Variants in CHD4 observed in about 807,000 individuals in gnomAD.
The protein encoded by CHD4 is ATP-dependent chromatin remodeler CHD4.
Under a neutral mutation model 235.5 loss-of-function variants are expected in CHD4, and 35 were observed. That is an observed-to-expected ratio of 0.15 (90% confidence interval 0.11 to 0.20). The LOEUF (loss-of-function observed/expected upper bound fraction) is 0.20. Ranked by LOEUF, CHD4 falls within the 10% of genes least tolerant of loss-of-function variation. The pLI, the probability that CHD4 is intolerant of heterozygous loss-of-function variation, is 1.00. For synonymous variants in CHD4, 900 were observed against 850.2 expected, an observed-to-expected ratio of 1.06 and a Z score of -1.02; for missense variants, 1,329 against 2,432.3, an observed-to-expected ratio of 0.55 and a Z score of 9.54.
Position 6,570,622 on chromosome 12 carries a change from G to C in CHD4, c.*54C>G. The C allele has an allele frequency of 6.2e-7, 1 of 1,612,094 alleles. No homozygotes were observed. Among genetic ancestry groups the C allele is most frequent in the Non-Finnish European group, 8.5e-7 (1 of 1,178,330 alleles). On this transcript the variant is annotated 3_prime_UTR_variant, in exon 40 of 40. Coordinates refer to ENST00000544040, the MANE Select transcript of CHD4 (RefSeq NM_001273.5). ...GCCCCCAGGGGAGAAGCTGGGACAA[G>C]AGAAAGTGAGGAAGGTCACTGCTCA...
intron 12 of CHD4, among the ~76,000 whole-genome samples, 200 bp from the exon 13 acceptor site, chr12:6,596,337 T>A (rs1948494440): frequency 6.6e-6 from 1 of 152,116 alleles, no homozygotes; most frequent in Non-Finnish European, 1.5e-5. Context: ...AACACCAGAA[T>A]TCAGTCAGTT....
At chr12:6,603,915 C>T (rs1316552931) in intron 2 of CHD4, among the ~76,000 whole-genome samples, 1 of 152,158 alleles carries the variant, frequency 6.6e-6, no homozygotes, top group Non-Finnish European at 1.5e-5. Flanking sequence ...ACCACTCCCA[C>T]CCAGATTCCT....
chr12:6,593,865 C>T lies in CHD4; in HGVS notation c.2314-249G>A, dbSNP rs1948441275. 6.6e-6 allele frequency among the ~76,000 whole-genome samples: 1 copy of T among 152,118 alleles called. No homozygotes were observed. The highest frequency in any genetic ancestry group is 1.5e-5 in the Non-Finnish European group (1 of 68,002). On this transcript the variant is annotated intron_variant, in intron 15 of 39. Coordinates refer to ENST00000544040, the MANE Select transcript of CHD4 (RefSeq NM_001273.5). The surrounding 1 kb of genome is among the most constrained non-coding windows in gnomAD (Gnocchi z 4.9). ...ATACTTTTTTTCTGAGACGGAGTTT[C>T]ACTCTTGTTGCCCAGGCTGGAGTGC...
rs755840734 is a variant in CHD4 at position 6,602,174 on chromosome 12, C to T, written c.224G>A (p.Arg75His). 6.9e-5 allele frequency: 112 copies of T among 1,613,896 alleles called. No homozygotes were observed. Among genetic ancestry groups the T allele is most frequent in the Middle Eastern group, 3.3e-4 (2 of 6,006 alleles). Residue 75 changes from arginine to histidine, a missense_variant and splice_region_variant, in exon 4 of 40, where the codon CGT becomes CAT. Transcript: ENST00000544040. ...CCCCAGCTGCCGGCATAAGAGCATA[C>T]GCTGGAGCAGGGCAAGGGGGGAAGA... Reference protein sequence around the residue: ...IPKSKRQKKERMLLCRQLGDS... With the variant: ...IPKSKRQKKEHMLLCRQLGDS...
In CHD4 at chr12:6,595,515, T is replaced by TAA. The variant is rs1948473716; in HGVS notation, c.2025-87_2025-86dup. 3.4e-6 allele frequency: 4 copies of TAA among 1,173,238 alleles called. No homozygotes were observed. The African/African-American group carries it at 4.6e-5, about 13-fold the overall frequency. 72.7% of individuals were successfully genotyped at this position (1,173,238 alleles called of 1,614,324 possible). ...GGCCAGGCACAGTGGCTCACACCTGTAATCCCAGCATTTTGGGAGGCCAGC... is the reference window on the plus strand; with the variant it reads ...GGCCAGGCACAGTGGCTCACACCTGTAAAATCCCAGCATTTTGGGAGGCCAGC... On this transcript the variant is annotated intron_variant, in intron 13 of 39. Coordinates refer to ENST00000544040, the MANE Select transcript of CHD4 (RefSeq NM_001273.5).
In CHD4 at chr12:6,594,455, T is replaced by C; in HGVS notation, c.2313+4A>G. 1.9e-6 allele frequency: 3 copies of C among 1,602,662 alleles called. No individual in the cohort carries two copies. Among genetic ancestry groups the C allele is most frequent in the Non-Finnish European group, 2.6e-6 (3 of 1,173,600 alleles). ...AAAAAACTATCCACCCCAGATTTCC[T>C]TACCTCCTTGTAAAGGGAATACAGG... On this transcript the variant is annotated splice_donor_region_variant and intron_variant, in intron 15 of 39. Coordinates refer to ENST00000544040, the MANE Select transcript of CHD4 (RefSeq NM_001273.5).
rs1272189364 is a variant in CHD4, at chr12:6,593,016, T to C, written c.2652+75A>G. 9 of 1,581,612 alleles carry C rather than the reference T, an allele frequency of 5.7e-6. No homozygotes were observed. The highest frequency in any genetic ancestry group is 1.4e-5 in the African/African-American group (1 of 72,364). The stretch of plus-strand genomic sequence containing the variant: ...TTCCCCTCTCCTCTCCATCTACAAG[T>C]TTTCCCCTTAATGAATTGGTAGTAC... On this transcript the variant is annotated intron_variant, in intron 17 of 39. Transcript: ENST00000544040. This position sits in a 1 kb window ranked among gnomAD's most constrained non-coding sequence, Gnocchi z 4.9.
In CHD4 at chr12:6,580,704, G is replaced by GAA. The variant is rs57266458; in HGVS notation, c.4909+338_4909+339dup. ...CCTGGGCAACGAGTAAAACTCCTTT[G>GAA]AAAAAAAAAAAAAAAAAAAAAAAGC... On this transcript the variant is annotated intron_variant, in intron 33 of 39. Coordinates refer to ENST00000544040, the MANE Select transcript of CHD4 (RefSeq NM_001273.5). The GAA allele has an allele frequency of 3.3e-3, 141 of 43,374 alleles. 1 individual carries two copies. Among genetic ancestry groups the GAA allele is most frequent in the Non-Finnish European group, 4.5e-3 (109 of 24,340 alleles). 2.7% of individuals were successfully genotyped at this position (43,374 alleles called of 1,614,324 possible).
intron 25 of CHD4, among the ~76,000 whole-genome samples, chr12:6,586,593 A>G (rs1189954227): frequency 6.6e-6 from 1 of 152,140 alleles, no homozygotes; most frequent in Non-Finnish European, 1.5e-5. Flanking sequence ...GTGGTAGCAC[A>G]CATCTACTAG....
At position 6,578,167 on chromosome 12, in the gene CHD4, T is replaced by A. The variant is rs770172669; in HGVS notation, c.5120-30A>T. The A allele has an allele frequency of 5.7e-6, 9 of 1,571,030 alleles. No homozygotes were observed. The Admixed American group carries it at 6.7e-5, about 12-fold the overall frequency. On this transcript the variant is annotated intron_variant, in intron 35 of 39. Transcript: ENST00000544040. Reference sequence around the variant, plus strand: ...GGAGGAATTTAGGGAAGGTTGGGGGTGGGGGGAAGCAAACATCTGTGAGAA... The same window carrying A: ...GGAGGAATTTAGGGAAGGTTGGGGGAGGGGGGAAGCAAACATCTGTGAGAA...
chr12:6,592,607 A>T (rs1169999755), intron 18 of CHD4, 41 bp from the exon 19 acceptor site: 2 of 1,584,000 alleles, frequency 1.3e-6, no homozygotes, highest in African/African-American at 1.4e-5. Context: ...GAGAAGGAGA[A>T]AGGAAGAAAG....
At position 6,593,348 on chromosome 12, in the gene CHD4, C is replaced by T; in HGVS notation, c.2514+68G>A. 8.8e-6 allele frequency: 14 copies of T among 1,599,568 alleles called. No homozygotes were observed. Among genetic ancestry groups the T allele is most frequent in the Non-Finnish European group, 1.2e-5 (14 of 1,168,742 alleles). ...CCTTTTGCCTCACCAGGGACCAGAT[C>T]ACAAGGAGGTAAACTAAGCCAGAAG... On this transcript the variant is annotated intron_variant, in intron 16 of 39. Transcript: ENST00000544040. This position sits in a 1 kb window ranked among gnomAD's most constrained non-coding sequence, Gnocchi z 4.9.
At chr12:6,592,967 C>T (rs1681884145) in intron 17 of CHD4, 124 bp downstream of exon 17, 2 of 1,517,670 alleles carry the variant, frequency 1.3e-6, no homozygotes, top group Admixed American at 1.9e-5. Flanking sequence ...CTGTCACATA[C>T]AAGGAAGGAA....
rs540493602 is a variant in CHD4 at position 6,593,950 on chromosome 12, C to T, written c.2314-334G>A. Among the ~76,000 whole-genome samples the T allele has an allele frequency of 1.9e-3, 294 of 152,316 alleles. 1 individual carries two copies. The highest frequency in any genetic ancestry group is 3.6e-3 in the Non-Finnish European group (242 of 68,026). ...TCCCGGGTTCAAGCGATTCTCCTGC[C>T]TCAGCCTCCCAAGTAGCTGGGATTA... is the stretch of plus-strand genomic sequence containing the variant. On this transcript the variant is annotated intron_variant, in intron 15 of 39. Transcript: ENST00000544040. The surrounding 1 kb of genome is among the most constrained non-coding windows in gnomAD (Gnocchi z 4.9).
At chr12:6,590,240 T>C (rs1489992228) in intron 22 of CHD4, 1 of 151,968 alleles carries the variant, frequency 6.6e-6, no homozygotes, top group African/African-American at 2.4e-5. Flanking sequence ...AATAAAGAAA[T>C]GTCACAGATA....
chr12:6,605,448 T>A (rs1948675999), intron 2 of CHD4, among the ~76,000 whole-genome samples: 1 of 152,040 alleles, frequency 6.6e-6, no homozygotes. Context: ...ACAGGGTGGT[T>A]ACAACCATAC....
rs777991458 is a variant in CHD4 at position 6,593,996 on chromosome 12, C to T, written c.2314-380G>A. On this transcript the variant is annotated intron_variant, in intron 15 of 39. Coordinates refer to ENST00000544040, the MANE Select transcript of CHD4 (RefSeq NM_001273.5). The surrounding 1 kb of genome is among the most constrained non-coding windows in gnomAD (Gnocchi z 4.9). ...GATTACAGGCGTGCACCACCACATC[C>T]GGCTAATTTTGTATTTTTAGTAGAG... 6.6e-5 allele frequency among the ~76,000 whole-genome samples: 10 copies of T among 152,072 alleles called. No individual in the cohort carries two copies. Among genetic ancestry groups the T allele is most frequent in the Non-Finnish European group, 1.3e-4 (9 of 67,994 alleles).
intron 2 of CHD4, among the ~76,000 whole-genome samples, chr12:6,604,006 A>C (rs1948644910): frequency 6.6e-6 from 1 of 152,176 alleles, no homozygotes; most frequent in Admixed American, 6.5e-5. Context: ...AATCGGGTGC[A>C]ATGGCTCATG....
At chr12:6,590,688 G>C (rs1392553814) in intron 22 of CHD4, among the ~76,000 whole-genome samples, 3 of 151,974 alleles carry the variant, frequency 2.0e-5, no homozygotes, top group African/African-American at 7.2e-5. Context: ...AGGTACAGTG[G>C]ATCAAGCCTA....
Sources: gnomAD v4.1 joint callset for allele counts (sites outside exome capture counted in the v4.1 genomes callset) on GRCh38, gnomAD v4.1.1 for gene constraint, Gnocchi (gnomAD v3.1) non-coding constraint, MANE v1.5 for transcripts, NCBI Gene and HGNC (gene_info 2026-07-23, HGNC 2026-07-21) for gene names.